Variants in NALF1 observed in about 807,000 individuals in gnomAD.
NALF1 encodes the protein NALCN channel auxiliary factor 1.
A neutral mutation model predicts 48.4 loss-of-function variants in NALF1; 3 were observed. That is an observed-to-expected ratio of 0.06 (90% CI 0.03 to 0.16). The LOEUF is 0.16. Ranked by LOEUF, NALF1 falls within the 10% of genes least tolerant of loss-of-function variation. The pLI, the probability that NALF1 is intolerant of heterozygous loss-of-function variation, is 1.00. For missense variants in NALF1, 526 were observed against 571.5 expected, an observed-to-expected ratio of 0.92 and a Z score of 0.81; for synonymous variants, 262 against 245.7, an observed-to-expected ratio of 1.07 and a Z score of -0.62.
At chr13:107,732,332 T>C (rs1200184243) in intron 1 of NALF1, among the ~76,000 whole-genome samples, 1 of 152,172 alleles carries the variant, frequency 6.6e-6, no homozygotes, top group Admixed American at 6.5e-5. Flanking sequence ...ACATATATGG[T>C]TTGCACTCAT....
Position 107,866,383 on chromosome 13 carries a change from G to A in NALF1, c.214C>T (p.His72Tyr), listed in dbSNP as rs750786530. ...AKLTRARDKE[H>Y]QQQQRQQQQQ... The stretch of plus-strand genomic sequence containing the variant: ...TGCTGCTGCCGCTGCTGCTGCTGGT[G>A]CTCCTTGTCCCGGGCCCGGGTCAGC... The change falls in exon 1 of 3, where the codon CAC (histidine) becomes TAC (tyrosine). Residue 72 changes from histidine (H) to tyrosine (Y), a missense_variant. By Grantham distance (83) the His-to-Tyr change is moderately conservative. Around this residue, in one of 2 missense-constraint regions of NALF1, gnomAD observed 373 missense variants for 355.5 expected, o/e 1.05. Coordinates refer to ENST00000375915, the MANE Select transcript of NALF1 (RefSeq NM_001080396.3). The surrounding 1 kb of genome is among the most constrained non-coding windows in gnomAD (Gnocchi z 4.4). The A allele has an allele frequency of 6.2e-7, 1 of 1,613,498 alleles. No individual in the cohort carries two copies. The highest frequency in any genetic ancestry group is 1.1e-5 in the South Asian group (1 of 91,068).
At chr13:107,831,743 G>C (rs945061382) in intron 1 of NALF1, among the ~76,000 whole-genome samples, 12 of 152,136 alleles carry the variant, frequency 7.9e-5, no homozygotes, top group African/African-American at 2.7e-4. Context: ...AGATGTTTGC[G>C]CGTATTTGCA....
intron 1 of NALF1, among the ~76,000 whole-genome samples, chr13:107,350,559 T>C (rs1436203580): frequency 2.0e-5 from 3 of 152,234 alleles, no homozygotes; most frequent in Non-Finnish European, 4.4e-5. Context: ...CTAATCCTAC[T>C]ACGTGATAGA....
intron 1 of NALF1, among the ~76,000 whole-genome samples, chr13:107,863,002 C>T (rs909431662): frequency 1.3e-5 from 2 of 150,968 alleles, no homozygotes; most frequent in African/African-American, 4.8e-5. Context: ...TTTATGTATT[C>T]TTTTCTCTAC....
chr13:107,289,452 A>AT (rs528905286), intron 1 of NALF1, among the ~76,000 whole-genome samples: 127 of 152,182 alleles, frequency 8.3e-4, no homozygotes, highest in East Asian at 2.9e-3. Context: ...AATATTCCGG[A>AT]TTTTTTTGGC....
intron 1 of NALF1, among the ~76,000 whole-genome samples, chr13:107,578,956 T>C (rs1878226504): frequency 6.6e-6 from 1 of 152,186 alleles, no homozygotes; most frequent in Non-Finnish European, 1.5e-5. Flanking sequence ...CATCAGCAAG[T>C]CCATTTATTT....
rs559877274 is a variant in NALF1, at chr13:107,514,322, A to C, written c.916-303567T>G. On this transcript the variant is annotated intron_variant, in intron 1 of 2. Transcript: ENST00000375915. Reference sequence around the variant, plus strand: ...AATTACTTTCCTACAGGTCCAAGGCAGTATGGGAGATTCAAGACATCAGAC... The same window carrying C: ...AATTACTTTCCTACAGGTCCAAGGCCGTATGGGAGATTCAAGACATCAGAC... Among the ~76,000 whole-genome samples the C allele has an allele frequency of 8.5e-5, 13 of 152,312 alleles. No homozygotes were observed. In the East Asian group the frequency reaches 1.2e-3, roughly 14 times the overall value.
At chr13:107,250,847 C>T (rs9555335) in intron 1 of NALF1, among the ~76,000 whole-genome samples, 21,461 of 152,010 alleles carry the variant, frequency 0.14, 1,892 homozygotes, top group Non-Finnish European at 0.2. Context: ...AGTAAGTTCT[C>T]GCTGGTTGTT....
intron 1 of NALF1, among the ~76,000 whole-genome samples, chr13:107,455,958 A>AT (rs1263145211): frequency 1.3e-5 from 2 of 152,092 alleles, no homozygotes; most frequent in African/African-American, 4.8e-5. Flanking sequence ...GGCTTGGGCA[A>AT]TTATGAATAA....
intron 2 of NALF1, among the ~76,000 whole-genome samples, chr13:107,200,930 G>T (rs1879499577): frequency 6.6e-6 from 1 of 152,202 alleles, no homozygotes; most frequent in African/African-American, 2.4e-5. Context: ...TAACTCTGAG[G>T]TTGAACCTTA....
chr13:107,275,895 C>A (rs929510520), intron 1 of NALF1, among the ~76,000 whole-genome samples: 1 of 152,134 alleles, frequency 6.6e-6, no homozygotes, highest in Admixed American at 6.5e-5. Context: ...GGAGCCACTT[C>A]GAGCTCATGC....
intron 1 of NALF1, among the ~76,000 whole-genome samples, chr13:107,755,037 T>A (rs565859586): frequency 1.9e-4 from 29 of 152,330 alleles, no homozygotes; most frequent in African/African-American, 7.0e-4. Flanking sequence ...GTAATAAAAT[T>A]TCAAACCTCA....
chr13:107,666,983 C>T (rs1432311172), intron 1 of NALF1, among the ~76,000 whole-genome samples: 2 of 152,042 alleles, frequency 1.3e-5, no homozygotes, highest in African/African-American at 4.8e-5. Context: ...AATTTTGAAC[C>T]ATGCATAGCT....
At chr13:107,300,399 C>T (rs1379098392) in intron 1 of NALF1, among the ~76,000 whole-genome samples, 2 of 152,092 alleles carry the variant, frequency 1.3e-5, no homozygotes, top group African/African-American at 4.8e-5. Context: ...ATCAGATGTG[C>T]TTGTTGTTTC....
chr13:107,750,884 A>G (rs1891155), intron 1 of NALF1, among the ~76,000 whole-genome samples: 120,061 of 151,890 alleles, frequency 0.79, 47,654 homozygotes, highest in East Asian at 0.96. Flanking sequence ...CCCTGCCCCC[A>G]CAGCCCCCGG....
chr13:107,651,682 C>T (rs529277121), intron 1 of NALF1, among the ~76,000 whole-genome samples: 3 of 152,284 alleles, frequency 2.0e-5, no homozygotes, highest in African/African-American at 7.2e-5. Flanking sequence ...CCACCCACAC[C>T]TTCACCTTCC....
At chr13:107,460,123 A>G (rs1884894378) in intron 1 of NALF1, among the ~76,000 whole-genome samples, 1 of 152,220 alleles carries the variant, frequency 6.6e-6, no homozygotes, top group South Asian at 2.1e-4. Flanking sequence ...TGTTTAATTA[A>G]AAAGTGAAAT....
intron 1 of NALF1, among the ~76,000 whole-genome samples, chr13:107,306,991 C>A (rs564452120): frequency 6.6e-6 from 1 of 152,084 alleles, no homozygotes; most frequent in South Asian, 2.1e-4. Flanking sequence ...AAAACAAAAA[C>A]CCCAAACACG....
chr13:107,176,043 G>A (rs531868930), intron 2 of NALF1, among the ~76,000 whole-genome samples: 1 of 152,146 alleles, frequency 6.6e-6, no homozygotes, highest in South Asian at 2.1e-4. Context: ...AACCTGCTGG[G>A]ACAAATTTCC....
Sources: allele counts gnomAD v4.1 joint callset (sites outside exome capture counted in the v4.1 genomes callset), GRCh38; gene constraint gnomAD v4.1.1; regional missense constraint gnomAD v4.1.1; non-coding constraint Gnocchi (gnomAD v3.1); transcripts MANE v1.5; gene names NCBI Gene and HGNC (gene_info 2026-07-23, HGNC 2026-07-21).